PTPRK: variants seen among roughly 807,000 people sequenced by gnomAD.
PTPRK encodes protein tyrosine phosphatase receptor type K, also known as receptor-type tyrosine-protein phosphatase kappa.
A neutral mutation model predicts 178.0 loss-of-function variants in PTPRK; 75 were observed. The ratio of observed to expected loss-of-function variants is 0.42; its 90% CI spans 0.35 to 0.51. PTPRK has a LOEUF of 0.51. PTPRK is among the 20% of genes least tolerant of loss of function. The pLI, the probability that PTPRK is intolerant of heterozygous loss-of-function variation, is 0.02. For synonymous variants in PTPRK, 637 were observed against 620.6 expected (o/e 1.03, Z -0.39); for missense variants, 1,441 against 1,797.8 (o/e 0.80, Z 3.59).
chr6:128,106,971 A>T (rs1028263168), intron 7 of PTPRK, among the ~76,000 whole-genome samples: 75 of 152,222 alleles, frequency 4.9e-4, no homozygotes, highest in African/African-American at 1.8e-3. Context: ...TAACAGAGGT[A>T]CTTTACTATA....
chr6:127,992,932 G>A (rs986829787), intron 18 of PTPRK, among the ~76,000 whole-genome samples: 1 of 151,586 alleles, frequency 6.6e-6, no homozygotes, highest in Non-Finnish European at 1.5e-5. Flanking sequence ...AATATATATT[G>A]TATAATTGAT....
chr6:128,150,981 T>A (rs1397038994), intron 7 of PTPRK, among the ~76,000 whole-genome samples: 1 of 152,090 alleles, frequency 6.6e-6, no homozygotes, highest in Non-Finnish European at 1.5e-5. Flanking sequence ...ATAACTCAAA[T>A]ATAGCATATC....
chr6:128,063,147 A>G (rs117319142), intron 13 of PTPRK, among the ~76,000 whole-genome samples: 1 of 152,286 alleles, frequency 6.6e-6, no homozygotes, highest in East Asian at 1.9e-4. Flanking sequence ...CTTACTCACT[A>G]CACCACACCA....
chr6:128,272,235 G>A (rs924376116), intron 3 of PTPRK, among the ~76,000 whole-genome samples: 17 of 152,138 alleles, frequency 1.1e-4, no homozygotes, highest in Admixed American at 5.2e-4. Context: ...TTAAATGTTA[G>A]ACCTAAAACC....
intron 1 of PTPRK, among the ~76,000 whole-genome samples, chr6:128,489,466 G>T (rs1297254576): frequency 6.6e-6 from 1 of 152,168 alleles, no homozygotes; most frequent in Non-Finnish European, 1.5e-5. Flanking sequence ...TGGAAATGAT[G>T]CATATGCTCC....
intron 7 of PTPRK, among the ~76,000 whole-genome samples, chr6:128,177,930 T>A (rs1375628231): frequency 6.6e-6 from 1 of 151,822 alleles, no homozygotes; most frequent in African/African-American, 2.4e-5. Flanking sequence ...TATATTAGAA[T>A]ATGAACTATA....
intron 2 of PTPRK, among the ~76,000 whole-genome samples, chr6:128,380,923 A>G (rs1178634544): frequency 6.6e-6 from 1 of 152,196 alleles, no homozygotes; most frequent in Non-Finnish European, 1.5e-5. Flanking sequence ...TAAGCCATAA[A>G]ACCAAAATCT....
chr6:128,483,604 A>C (rs1363442534), intron 1 of PTPRK, among the ~76,000 whole-genome samples: 1 of 152,098 alleles, frequency 6.6e-6, no homozygotes, highest in East Asian at 1.9e-4. Context: ...TGGAACTCTA[A>C]TGTGACTAAA....
chr6:128,014,732 T>C (rs1194417034), intron 13 of PTPRK, among the ~76,000 whole-genome samples: 1 of 151,668 alleles, frequency 6.6e-6, no homozygotes, highest in Non-Finnish European at 1.5e-5. Flanking sequence ...GTAAAGCACA[T>C]GTTATTTATT....
At chr6:128,223,148 C>T (rs150429646) in intron 5 of PTPRK, among the ~76,000 whole-genome samples, 7 of 151,034 alleles carry the variant, frequency 4.6e-5, no homozygotes, top group African/African-American at 1.7e-4. Context: ...GGTTTCATGT[C>T]TCATTTATAT....
chr6:128,444,380 T>C (rs1175498908), intron 1 of PTPRK, among the ~76,000 whole-genome samples: 1 of 152,168 alleles, frequency 6.6e-6, no homozygotes, highest in Non-Finnish European at 1.5e-5. Context: ...TAGGTCTGTT[T>C]AACCAGAATC....
chr6:128,452,090 G>A (rs866971202), intron 1 of PTPRK, among the ~76,000 whole-genome samples: 21 of 152,052 alleles, frequency 1.4e-4, no homozygotes, highest in African/African-American at 2.4e-5. Flanking sequence ...TTTGAGGACC[G>A]GCCACATGGC....
chr6:128,509,633 C>G (rs62425740), intron 1 of PTPRK, among the ~76,000 whole-genome samples: 17,634 of 151,980 alleles, frequency 0.12, 1,145 homozygotes, highest in Non-Finnish European at 0.15. Flanking sequence ...TTAAAAGTGT[C>G]TGGTTCAGTA....
At chr6:128,140,731 G>A (rs1795657867) in intron 7 of PTPRK, among the ~76,000 whole-genome samples, 1 of 151,958 alleles carries the variant, frequency 6.6e-6, no homozygotes, top group Admixed American at 6.6e-5. Flanking sequence ...GATATAAGCA[G>A]TTGACTTTTC....
chr6:127,999,453 T>C lies in PTPRK; in HGVS notation c.2495-549A>G, dbSNP rs1418539512. ...GGCATTCCACATGATCACCCCCTGA[T>C]GCCACTCTGTCTGCTAGCCAGACTA... On this transcript the variant is annotated intron_variant, in intron 15 of 29. Transcript: ENST00000368226. Among the ~76,000 whole-genome samples, 6 of 152,040 alleles carry C rather than the reference T, an allele frequency of 3.9e-5. No homozygotes were observed. The East Asian group carries it at 1.2e-3, about 29-fold the overall frequency.
chr6:128,323,478 C>G (rs1034091576), intron 2 of PTPRK, among the ~76,000 whole-genome samples: 3 of 151,950 alleles, frequency 2.0e-5, no homozygotes, highest in African/African-American at 7.3e-5. Context: ...TGCACTTGAC[C>G]CTTTCTTCCT....
intron 2 of PTPRK, among the ~76,000 whole-genome samples, chr6:128,389,031 T>A (rs950363789): frequency 2.0e-5 from 3 of 152,138 alleles, no homozygotes; most frequent in Non-Finnish European, 4.4e-5. Flanking sequence ...CTCATAAACC[T>A]AGAAAAAGCA....
intron 1 of PTPRK, among the ~76,000 whole-genome samples, chr6:128,438,197 A>G (rs1456936068): frequency 3.9e-5 from 6 of 152,222 alleles, no homozygotes; most frequent in African/African-American, 1.4e-4. Flanking sequence ...ACGTTTCTCA[A>G]AGAGAGTCTT....
At chr6:128,093,612 A>AAC (rs1787390098) in intron 7 of PTPRK, among the ~76,000 whole-genome samples, 1 of 148,524 alleles carries the variant, frequency 6.7e-6, no homozygotes, top group African/African-American at 2.5e-5. Context: ...AAAAAAAAAA[A>AAC]AAAAAAAAAA....
Sources: gnomAD v4.1 joint callset for allele counts (sites outside exome capture counted in the v4.1 genomes callset) on GRCh38, gnomAD v4.1.1 for gene constraint, MANE v1.5 for transcripts, NCBI Gene and HGNC (gene_info 2026-07-23, HGNC 2026-07-21) for gene names.